Variants in F13A1 observed in about 807,000 individuals in gnomAD.
F13A1 encodes the protein coagulation factor XIII A chain.
A neutral mutation model predicts 80.1 loss-of-function variants in F13A1; 47 were observed. The observed-to-expected ratio is 0.59, with a 90% CI of 0.46 to 0.75. The LOEUF (loss-of-function observed/expected upper bound fraction) is 0.75, where lower values mean the gene tolerates loss of function less well. F13A1 is among the 30% of genes least tolerant of loss of function. The pLI, the probability that F13A1 is intolerant of heterozygous loss-of-function variation, is 0.00. For synonymous variants in F13A1, 349 were observed against 344.9 expected (o/e 1.01, Z -0.13); for missense variants, 817 against 930.4 (o/e 0.88, Z 1.59).
chr6:6,292,572 A>G (rs867441575), intron 3 of F13A1, among the ~76,000 whole-genome samples: 1 of 152,138 alleles, frequency 6.6e-6, no homozygotes, highest in Non-Finnish European at 1.5e-5. Context: ...AGAATCATCC[A>G]TGTCACTCCC....
At chr6:6,281,058 C>T (rs549796563) in intron 3 of F13A1, among the ~76,000 whole-genome samples, 2 of 152,264 alleles carry the variant, frequency 1.3e-5, no homozygotes, top group South Asian at 4.2e-4. Context: ...GCATGGCTCC[C>T]CATGAAAACG....
chr6:6,194,413 C>T (rs1583065634), intron 10 of F13A1, among the ~76,000 whole-genome samples: 1 of 152,220 alleles, frequency 6.6e-6, no homozygotes, highest in East Asian at 1.9e-4. Flanking sequence ...GCACTCCTCC[C>T]TTCCTCTGGC....
chr6:6,173,073 T>C (rs1760803915), intron 12 of F13A1, among the ~76,000 whole-genome samples: 1 of 152,112 alleles, frequency 6.6e-6, no homozygotes, highest in Non-Finnish European at 1.5e-5. Context: ...CCCCAAAGTA[T>C]CGAGGTCCTT....
intron 13 of F13A1, among the ~76,000 whole-genome samples, chr6:6,164,762 TTCCCC>T (rs1232593900): frequency 3.4e-5 from 5 of 148,440 alleles, no homozygotes; most frequent in African/African-American, 5.0e-5. Context: ...CCTCTCCATC[TTCCCC>T]TCCCCTCCCC....
chr6:6,223,195 G>A (rs987193350), intron 7 of F13A1, among the ~76,000 whole-genome samples: 6 of 152,156 alleles, frequency 3.9e-5, no homozygotes, highest in South Asian at 2.1e-4. Flanking sequence ...GTTTACTCTC[G>A]TTGTGACTTC....
chr6:6,259,692 T>C (rs1307349730), intron 4 of F13A1, among the ~76,000 whole-genome samples: 1 of 152,198 alleles, frequency 6.6e-6, no homozygotes, highest in Non-Finnish European at 1.5e-5. Context: ...GAGTATTTAC[T>C]TGGGATTATT....
chr6:6,313,280 C>CTTTTTTTTTTTTT lies in F13A1; in HGVS notation c.130+5242_130+5254dup, dbSNP rs5874027. ...ATGGAACAGCTCATTGCTAAGCCGC[C>CTTTTTTTTTTTTT]TTTTTTTTTTTTTTTTTTTTAAATA... On this transcript the variant is annotated intron_variant, in intron 2 of 14. Transcript: ENST00000264870. Among the ~76,000 whole-genome samples, 56 of 126,736 alleles carry CTTTTTTTTTTTTT rather than the reference C, an allele frequency of 4.4e-4. 1 individual carries two copies. The highest frequency in any genetic ancestry group is 3.5e-3 in the South Asian group (13 of 3,760). 83.1% of individuals were successfully genotyped at this position (126,736 alleles called of 152,430 possible).
chr6:6,161,820 G>C (rs1043602725), intron 13 of F13A1, among the ~76,000 whole-genome samples: 1 of 152,090 alleles, frequency 6.6e-6, no homozygotes, highest in Admixed American at 6.5e-5. Flanking sequence ...TCACCACAGG[G>C]ACCAGTAAAA....
At chr6:6,184,751 C>T (rs1170388555) in intron 10 of F13A1, among the ~76,000 whole-genome samples, 1 of 152,162 alleles carries the variant, frequency 6.6e-6, no homozygotes, top group African/African-American at 2.4e-5. Context: ...TGCCCCCCCA[C>T]CTTGAATATG....
At chr6:6,249,573 G>A (rs918254420) in intron 5 of F13A1, among the ~76,000 whole-genome samples, 3 of 152,196 alleles carry the variant, frequency 2.0e-5, no homozygotes, top group Admixed American at 2.0e-4. Context: ...CCAAAGGCAA[G>A]CTGGCGAAGA....
chr6:6,148,992 T>A (rs199745314), intron 14 of F13A1, among the ~76,000 whole-genome samples: 2 of 147,104 alleles, frequency 1.4e-5, no homozygotes, highest in East Asian at 2.0e-4. Context: ...ATGTAGACAC[T>A]AAAAAAAAAA....
At chr6:6,263,126 ACT>A (rs1193358866) in intron 4 of F13A1, among the ~76,000 whole-genome samples, 1 of 150,846 alleles carries the variant, frequency 6.6e-6, no homozygotes, top group Non-Finnish European at 1.5e-5. Flanking sequence ...AATAACACCC[ACT>A]CTCTCTTGTC....
intron 11 of F13A1, among the ~76,000 whole-genome samples, chr6:6,175,563 C>A (rs1760868935): frequency 6.6e-6 from 1 of 152,202 alleles, no homozygotes; most frequent in Non-Finnish European, 1.5e-5. Context: ...CCGGTCAGAT[C>A]CCTTGGAGAT....
chr6:6,303,352 G>C (rs1289088122), intron 3 of F13A1, among the ~76,000 whole-genome samples: 1 of 152,018 alleles, frequency 6.6e-6, no homozygotes, highest in African/African-American at 2.4e-5. Flanking sequence ...GATTCTAATT[G>C]GAAATGCATT....
At chr6:6,229,379 A>G (rs894332163) in intron 6 of F13A1, among the ~76,000 whole-genome samples, 2 of 152,200 alleles carry the variant, frequency 1.3e-5, no homozygotes, top group African/African-American at 4.8e-5. Flanking sequence ...TAAATTATAA[A>G]CTGCAAGAAA....
At chr6:6,251,514 C>A (rs1757632779) in intron 4 of F13A1, among the ~76,000 whole-genome samples, 1 of 152,166 alleles carries the variant, frequency 6.6e-6, no homozygotes, top group Non-Finnish European at 1.5e-5. Flanking sequence ...TCTTTCATTG[C>A]AAGGACTTTT....
At chr6:6,254,420 T>C (rs549042806) in intron 4 of F13A1, among the ~76,000 whole-genome samples, 1 of 152,194 alleles carries the variant, frequency 6.6e-6, no homozygotes, top group South Asian at 2.1e-4. Flanking sequence ...CAAAACAACA[T>C]GATATGACCA....
rs566411824 is a variant in F13A1 at position 6,211,821 on chromosome 6, G to A, written c.1112+10212C>T. On this transcript the variant is annotated intron_variant, in intron 8 of 14. Transcript: ENST00000264870. ...AGTGGGCGCAGGTTAGTGGGTGCGC[G>A]CACCATGCGCGAGCCAAAGCAGGGT... 2.2e-4 allele frequency among the ~76,000 whole-genome samples: 34 copies of A among 152,334 alleles called. No individual in the cohort carries two copies. In the South Asian group the frequency reaches 4.3e-3, roughly 19 times the overall value.
rs144804296 is a variant in F13A1, at chr6:6,203,826, G to A, written c.1113-6500C>T. On this transcript the variant is annotated intron_variant, in intron 8 of 14. Transcript: ENST00000264870. ...AAGAGACATATTACAGAAGGGTTAAGGAAATGTTACAGATGTTCTGAGTAG... is the reference window on the plus strand; with the variant it reads ...AAGAGACATATTACAGAAGGGTTAAAGAAATGTTACAGATGTTCTGAGTAG... Among the ~76,000 whole-genome samples, 288 of 152,292 alleles carry A rather than the reference G, an allele frequency of 1.9e-3. 2 individuals carry two copies. The highest frequency in any genetic ancestry group is 6.8e-3 in the African/African-American group (281 of 41,566).
Sources: allele counts gnomAD v4.1 joint callset (sites outside exome capture counted in the v4.1 genomes callset), GRCh38; gene constraint gnomAD v4.1.1; transcripts MANE v1.5; gene names NCBI Gene and HGNC (gene_info 2026-07-23, HGNC 2026-07-21).